LVRN: variants seen among roughly 807,000 people sequenced by gnomAD.
LVRN encodes the protein laeverin, also known as aminopeptidase Q.
In LVRN, 99 loss-of-function variants were observed where a neutral mutation model predicts 111.4. The ratio of observed to expected loss-of-function variants is 0.89; its 90% CI spans 0.76 to 1.05. The LOEUF is 1.05. LVRN is among the 50% of genes least tolerant of loss of function. The probability of loss-of-function intolerance (pLI) is 0.00; values close to 1 mark genes in which losing one functional copy is unlikely to be tolerated. For synonymous variants in LVRN, 488 were observed against 449.5 expected, an observed-to-expected ratio of 1.09 and a Z score of -1.08; for missense variants, 1,414 against 1,206.8, an observed-to-expected ratio of 1.17 and a Z score of -2.54.
At chr5:116,007,145 C>T (rs886620629) in intron 13 of LVRN, among the ~76,000 whole-genome samples, 4 of 152,170 alleles carry the variant, frequency 2.6e-5, no homozygotes, top group South Asian at 2.1e-4. Flanking sequence ...CTCCAGCCTT[C>T]GGTCCTTTTG....
intron 1 of LVRN, among the ~76,000 whole-genome samples, chr5:115,980,380 G>C (rs1753538194): frequency 1.3e-5 from 2 of 151,980 alleles, no homozygotes; most frequent in South Asian, 4.1e-4. Flanking sequence ...GTGTGTCGTA[G>C]GGATTTTCCC....
At chr5:115,995,215 A>G (rs1245089451) in intron 6 of LVRN, among the ~76,000 whole-genome samples, 4 of 152,166 alleles carry the variant, frequency 2.6e-5, no homozygotes, top group East Asian at 1.9e-4. Context: ...TTGATAATCG[A>G]TGGTAGGTAG....
At chr5:115,968,084 T>G (rs1389554705) in intron 1 of LVRN, among the ~76,000 whole-genome samples, 1 of 152,228 alleles carries the variant, frequency 6.6e-6, no homozygotes, top group Non-Finnish European at 1.5e-5. Flanking sequence ...TTATTTTCTT[T>G]TCCTGCCTGA....
chr5:115,962,783 G>A lies in LVRN; in HGVS notation c.166G>A (p.Ala56Thr), dbSNP rs775320939. 15 of 1,611,004 alleles carry A rather than the reference G, an allele frequency of 9.3e-6. 1 individual carries two copies. In the South Asian group the frequency reaches 1.6e-4, roughly 18 times the overall value. Residue 56 changes from alanine to threonine, a missense_variant, in exon 1 of 20, where the codon GCC (alanine) becomes ACC (threonine). Coordinates refer to ENST00000357872, the MANE Select transcript of LVRN (RefSeq NM_173800.5). ...GCTGCCTGGACTCAGGGACTTGGAA[G>A]CCGAGTCTTCCCCTCCCCTCAGGCA... is the stretch of plus-strand genomic sequence containing the variant. ...SELPGLRDLE[A>T]ESSPPLRQKP...
chr5:115,999,735 A>G, intron 6 of LVRN, 27 bp from the exon 7 acceptor site: 1 of 1,610,810 alleles, frequency 6.2e-7, no homozygotes, highest in Non-Finnish European at 8.5e-7. Context: ...CTCAGGAGTT[A>G]ATGTGCCTCC....
intron 3 of LVRN, 127 bp downstream of exon 3, chr5:115,984,836 C>G (rs1349272974): frequency 7.6e-7 from 1 of 1,311,110 alleles, no homozygotes; most frequent in Non-Finnish European, 1.0e-6. Context: ...CTCCCAAGCC[C>G]TGTAAAAGTT....
chr5:115,997,733 A>C (rs1330599618), intron 6 of LVRN, among the ~76,000 whole-genome samples: 3 of 152,194 alleles, frequency 2.0e-5, no homozygotes, highest in Non-Finnish European at 4.4e-5. Flanking sequence ...GTAATGGTGA[A>C]TATACAGATT....
intron 1 of LVRN, among the ~76,000 whole-genome samples, chr5:115,968,131 T>A (rs1329817235): frequency 6.6e-6 from 1 of 152,220 alleles, no homozygotes; most frequent in Non-Finnish European, 1.5e-5. Context: ...GTGTTAAACA[T>A]GAGTGGTAAG....
At chr5:116,022,069 T>C (rs1384480345) in intron 18 of LVRN, 4 of 230,238 alleles carry the variant, frequency 1.7e-5, no homozygotes, top group East Asian at 1.3e-4. Context: ...TATATATTTA[T>C]TTATTCCCTT....
rs142769616 is a variant in LVRN, at chr5:115,979,699, C to T, written c.696-3588C>T. 7.8e-3 allele frequency among the ~76,000 whole-genome samples: 1,182 copies of T among 152,202 alleles called. 18 individuals carry two copies. The highest frequency in any genetic ancestry group is 0.024 in the African/African-American group (1,009 of 41,534). The stretch of plus-strand genomic sequence containing the variant: ...TAAACAAACGTGATTCATAAGCCAA[C>T]CCTTGAACCACAGTCCAGTAGTGTA... On this transcript the variant is annotated intron_variant, in intron 1 of 19. Coordinates refer to ENST00000357872, the MANE Select transcript of LVRN (RefSeq NM_173800.5).
intron 18 of LVRN, among the ~76,000 whole-genome samples, chr5:116,020,719 T>C (rs1748709014): frequency 6.6e-6 from 1 of 152,098 alleles, no homozygotes; most frequent in African/African-American, 2.4e-5. Context: ...GCTGGATGCC[T>C]TGGTGTTCCC....
intron 13 of LVRN, among the ~76,000 whole-genome samples, chr5:116,009,907 A>T (rs1748450885): frequency 6.6e-6 from 1 of 152,242 alleles, no homozygotes; most frequent in African/African-American, 2.4e-5. Flanking sequence ...AACAGCAAGC[A>T]GGATGTGTGA....
At position 116,002,281 on chromosome 5, in the gene LVRN, C is replaced by T. The variant is rs888093356; in HGVS notation, c.1821-554C>T. On this transcript the variant is annotated intron_variant, in intron 10 of 19. Coordinates refer to ENST00000357872, the MANE Select transcript of LVRN (RefSeq NM_173800.5). ...CTGAGTAGTGTGTCTCTTGCGATGA[C>T]GAATGTGCTTCCTGTGATCAGCTAC... is the stretch of plus-strand genomic sequence containing the variant. Among the ~76,000 whole-genome samples, 2 of 152,164 alleles carry T rather than the reference C, an allele frequency of 1.3e-5. 1 individual carries two copies. The highest frequency in any genetic ancestry group is 1.3e-4 in the Admixed American group (2 of 15,280).
chr5:115,976,510 C>T (rs1053958598), intron 1 of LVRN, among the ~76,000 whole-genome samples: 1 of 152,056 alleles, frequency 6.6e-6, no homozygotes, highest in Non-Finnish European at 1.5e-5. Flanking sequence ...TTTTTCTATA[C>T]TATGGTTGAC....
chr5:115,999,971 G>A (rs1561563404), intron 7 of LVRN, 69 bp downstream of exon 7: 11 of 1,479,748 alleles, frequency 7.4e-6, no homozygotes, highest in Non-Finnish European at 8.2e-6. Context: ...GGATTCTAAG[G>A]GTCCTATATC....
intron 18 of LVRN, 53 bp downstream of exon 18, chr5:116,015,818 G>C (rs1748593549): frequency 6.3e-7 from 1 of 1,596,448 alleles, no homozygotes; most frequent in African/African-American, 1.3e-5. Context: ...TTTGGCACTG[G>C]AAGCTCAGCT....
At position 116,014,838 on chromosome 5, in the gene LVRN, TTA is replaced by T. The variant is rs1254853949; in HGVS notation, c.2450+313_2450+314del. 3.9e-5 allele frequency among the ~76,000 whole-genome samples: 6 copies of T among 152,224 alleles called. 1 individual carries two copies. Among genetic ancestry groups the T allele is most frequent in the Admixed American group, 3.9e-4 (6 of 15,282 alleles). On this transcript the variant is annotated intron_variant, in intron 16 of 19. Coordinates refer to ENST00000357872, the MANE Select transcript of LVRN (RefSeq NM_173800.5). The stretch of plus-strand genomic sequence containing the variant: ...TTAATAGGTTGTTCTTTATGATTGT[TTA>T]TGATTGTTATATCTATGAGTGCAGC...
chr5:116,022,699 T>G (rs1229213382), intron 19 of LVRN, among the ~76,000 whole-genome samples: 1 of 152,226 alleles, frequency 6.6e-6, no homozygotes, highest in East Asian at 1.9e-4. Context: ...TGCAGGGGAC[T>G]CTGGCCCAGG....
rs773825014 is a variant in LVRN, at chr5:116,003,301, A to G, written c.1958A>G (p.Asn653Ser). 1.0e-5 allele frequency: 16 copies of G among 1,565,172 alleles called. No individual in the cohort carries two copies. Among genetic ancestry groups the G allele is most frequent in the African/African-American group, 1.4e-5 (1 of 72,892 alleles). ...SDHDWVILNL[N>S]MTGYYRVNYD... Reference sequence around the variant, plus strand: ...CATGACTGGGTGATTTTGAATTTGAATATGACTGGATATTATAGAGTTAAT... The same window carrying G: ...CATGACTGGGTGATTTTGAATTTGAGTATGACTGGATATTATAGAGTTAAT... The change falls in exon 12 of 20, where the codon AAT becomes AGT. Residue 653 changes from asparagine to serine, a missense_variant. Coordinates refer to ENST00000357872, the MANE Select transcript of LVRN (RefSeq NM_173800.5).
Sources: allele counts gnomAD v4.1 joint callset (sites outside exome capture counted in the v4.1 genomes callset), GRCh38; gene constraint gnomAD v4.1.1; transcripts MANE v1.5; gene names NCBI Gene and HGNC (gene_info 2026-07-23, HGNC 2026-07-21).